The following RIMS2 variants were observed in gnomAD, a reference collection of about 807,000 sequenced individuals.
RIMS2 encodes regulating synaptic membrane exocytosis protein 2.
In RIMS2, 59 loss-of-function variants were observed where a neutral mutation model predicts 174.4. That is an observed-to-expected ratio of 0.34 (90% CI 0.27 to 0.42). The LOEUF (loss-of-function observed/expected upper bound fraction) is 0.42, where lower values mean the gene tolerates loss of function less well. RIMS2 is among the 10% of genes least tolerant of loss of function. The pLI, the probability that RIMS2 is intolerant of heterozygous loss-of-function variation, is 1.00. For missense variants in RIMS2, 1,620 were observed against 1,666.3 expected (o/e 0.97, Z 0.48); for synonymous variants, 606 against 572.5 (o/e 1.06, Z -0.84).
chr8:103,814,004 C>G (rs1180168300), intron 3 of RIMS2, among the ~76,000 whole-genome samples: 1 of 152,134 alleles, frequency 6.6e-6, no homozygotes, highest in South Asian at 2.1e-4. Flanking sequence ...AATCTAAATG[C>G]CCATCAATGG....
At chr8:103,790,050 C>T (rs2098482899) in intron 3 of RIMS2, among the ~76,000 whole-genome samples, 1 of 152,136 alleles carries the variant, frequency 6.6e-6, no homozygotes, top group African/African-American at 2.4e-5. Context: ...GTATGAGCCA[C>T]CCTGCCCAGC....
chr8:103,629,739 T>TA (rs947713757), intron 1 of RIMS2, among the ~76,000 whole-genome samples: 2 of 151,528 alleles, frequency 1.3e-5, no homozygotes, highest in African/African-American at 2.4e-5. Context: ...ACTTTAGAAG[T>TA]AAAAAATGCA....
chr8:104,245,402 G>A (rs1301254566), intron 20 of RIMS2, among the ~76,000 whole-genome samples: 1 of 152,178 alleles, frequency 6.6e-6, no homozygotes, highest in Non-Finnish European at 1.5e-5. Context: ...TGTGAACAAT[G>A]CTAGTTTTAA....
At chr8:104,047,184 A>G (rs891542544) in intron 19 of RIMS2, among the ~76,000 whole-genome samples, 2 of 151,658 alleles carry the variant, frequency 1.3e-5, no homozygotes, top group African/African-American at 4.8e-5. Flanking sequence ...ATTTAAAATG[A>G]GGTTTGGAAT....
At position 103,748,648 on chromosome 8, in the gene RIMS2, G is replaced by C. The variant is rs186746742; in HGVS notation, c.388-17579G>C. 3.0e-4 allele frequency among the ~76,000 whole-genome samples: 46 copies of C among 151,998 alleles called. 1 individual carries two copies. The highest frequency in any genetic ancestry group is 1.4e-3 in the Admixed American group (21 of 15,276). On this transcript the variant is annotated intron_variant, in intron 2 of 23. Transcript: ENST00000504942. Reference sequence around the variant, plus strand: ...TCATTGCCTCTAGTTTACATCTTCGGTTCTCTTCAATTTGTATAAAGCATT... The same window carrying C: ...TCATTGCCTCTAGTTTACATCTTCGCTTCTCTTCAATTTGTATAAAGCATT...
intron 19 of RIMS2, among the ~76,000 whole-genome samples, chr8:104,219,250 A>G (rs1264341010): frequency 6.6e-6 from 1 of 152,208 alleles, no homozygotes; most frequent in East Asian, 1.9e-4. Context: ...TTTTGGACAA[A>G]GTAACTTACT....
intron 1 of RIMS2, among the ~76,000 whole-genome samples, chr8:103,598,066 G>A (rs1270607693): frequency 6.6e-6 from 1 of 152,094 alleles, no homozygotes; most frequent in Non-Finnish European, 1.5e-5. Context: ...TTTAGCCTTA[G>A]CTGCTTTCAT....
chr8:104,251,751 C>G, exon 24 of RIMS2: 1 of 1,611,744 alleles, frequency 6.2e-7, no homozygotes, highest in Non-Finnish European at 8.5e-7. Context: ...CAACCTTGGC[C>G]CCTCTGACAA....
chr8:103,625,517 A>G (rs907297147), intron 1 of RIMS2, among the ~76,000 whole-genome samples: 58 of 152,296 alleles, frequency 3.8e-4, no homozygotes, highest in African/African-American at 1.4e-3. Flanking sequence ...AAAGTTTACA[A>G]AATGCTTTCC....
chr8:103,802,612 TA>T (rs1260673447), intron 3 of RIMS2, among the ~76,000 whole-genome samples: 1 of 152,182 alleles, frequency 6.6e-6, no homozygotes, highest in Non-Finnish European at 1.5e-5. Flanking sequence ...AATAAACCAG[TA>T]ATAAAGAAAA....
chr8:103,707,424 A>G (rs2097246098), intron 2 of RIMS2, among the ~76,000 whole-genome samples: 1 of 152,060 alleles, frequency 6.6e-6, no homozygotes, highest in African/African-American at 2.4e-5. Flanking sequence ...GGGTCTTCCA[A>G]TAATTGTTAA....
chr8:103,614,245 C>G (rs2095453491), intron 1 of RIMS2, among the ~76,000 whole-genome samples: 1 of 152,270 alleles, frequency 6.6e-6, no homozygotes, highest in Non-Finnish European at 1.5e-5. Context: ...CTGGCCAGGT[C>G]TGGTCCGTTT....
At chr8:103,832,177 T>C (rs983628557) in intron 3 of RIMS2, among the ~76,000 whole-genome samples, 9 of 152,222 alleles carry the variant, frequency 5.9e-5, no homozygotes, top group Admixed American at 2.0e-4. Flanking sequence ...ATGTATCTTT[T>C]ATCACTTTAA....
At chr8:104,186,535 C>T (rs1004758496) in intron 19 of RIMS2, among the ~76,000 whole-genome samples, 9 of 151,754 alleles carry the variant, frequency 5.9e-5, no homozygotes, top group African/African-American at 1.7e-4. Context: ...ATACAGTGTG[C>T]AGAAACAGTT....
intron 19 of RIMS2, among the ~76,000 whole-genome samples, chr8:104,077,057 T>G (rs1011343643): frequency 6.6e-5 from 10 of 152,112 alleles, no homozygotes; most frequent in Non-Finnish European, 1.5e-4. Flanking sequence ...TGACCTCAAG[T>G]GATCCGCCCA....
chr8:103,556,077 A>G (rs981933146), intron 1 of RIMS2, among the ~76,000 whole-genome samples: 3 of 152,130 alleles, frequency 2.0e-5, no homozygotes, highest in African/African-American at 7.2e-5. Context: ...TGGTGAAAAG[A>G]CACAAAATTT....
At chr8:103,514,710 C>T (rs1008417261) in intron 1 of RIMS2, among the ~76,000 whole-genome samples, 35 of 151,970 alleles carry the variant, frequency 2.3e-4, no homozygotes, top group African/African-American at 7.7e-4. Context: ...TCACCATTGA[C>T]GAGAAACTCT....
chr8:103,800,445 A>G (rs1480668001), intron 3 of RIMS2, among the ~76,000 whole-genome samples: 1 of 152,130 alleles, frequency 6.6e-6, no homozygotes, highest in Non-Finnish European at 1.5e-5. Context: ...TTCACAATCA[A>G]ATGTGATGTT....
intron 19 of RIMS2, among the ~76,000 whole-genome samples, chr8:104,138,677 T>G (rs1259497468): frequency 1.3e-5 from 2 of 152,206 alleles, no homozygotes; most frequent in African/African-American, 2.4e-5. Context: ...TAATCCCTTG[T>G]CAGACGGGTA....
Sources: gnomAD v4.1 joint callset for allele counts (sites outside exome capture counted in the v4.1 genomes callset) on GRCh38, gnomAD v4.1.1 for gene constraint, MANE v1.5 for transcripts, NCBI Gene and HGNC (gene_info 2026-07-23, HGNC 2026-07-21) for gene names.